The following TOGARAM1 variants were observed in gnomAD, a reference collection of about 807,000 sequenced individuals.
The protein encoded by TOGARAM1 is TOG array regulator of axonemal microtubules 1.
Under a neutral mutation model 166.6 loss-of-function variants are expected in TOGARAM1, and 100 were observed. That is an observed-to-expected ratio of 0.60 (90% CI 0.51 to 0.71). The LOEUF (loss-of-function observed/expected upper bound fraction) is 0.71. Among genes scored for constraint, TOGARAM1 ranks in the 30% least tolerant of loss-of-function variants. The pLI, the probability that TOGARAM1 is intolerant of heterozygous loss-of-function variation, is 0.00. For missense variants in TOGARAM1, 2,029 were observed against 2,102.7 expected (o/e 0.96, Z 0.69); for synonymous variants, 758 against 763.8 (o/e 0.99, Z 0.13).
In TOGARAM1 at chr14:45,027,389, A is replaced by G; in HGVS notation, c.3419A>G (p.Gln1140Arg). The G allele has an allele frequency of 6.2e-7, 1 of 1,613,828 alleles. No individual in the cohort carries two copies. The highest frequency in any genetic ancestry group is 8.5e-7 in the Non-Finnish European group (1 of 1,179,848). The change falls in exon 9 of 20, where the codon CAA becomes CGA. Residue 1140 changes from glutamine (Q) to arginine (R), a missense_variant. Around this residue, in one of 2 missense-constraint regions of TOGARAM1, gnomAD observed 1,453 missense variants for 1,432.2 expected, o/e 1.01. Transcript: ENST00000361462. ...VENGDTFSIK[Q>R]SIEPPSGIYG... The stretch of plus-strand genomic sequence containing the variant: ...AATGGGGATACATTTTCAATTAAAC[A>G]AAGTATTGAACCACCATCAGGGATT...
chr14:45,043,761 G>A lies in TOGARAM1; in HGVS notation c.3888G>A (p.Leu1296=), dbSNP rs763817732. 24 of 1,612,432 alleles carry A rather than the reference G, an allele frequency of 1.5e-5. No homozygotes were observed. The highest frequency in any genetic ancestry group is 1.9e-5 in the Non-Finnish European group (22 of 1,178,722). ...AFHSEILNTK[L]HETNFAVVQE... is the part of the protein sequence containing the mutation. ...ATTCTGAGATACTGAACACAAAGTTGCATGAAACAAATTTTGCAGTTGTTC... is the reference window on the plus strand; with the variant it reads ...ATTCTGAGATACTGAACACAAAGTTACATGAAACAAATTTTGCAGTTGTTC... The change falls in exon 12 of 20, where the codon TTG becomes TTA. Residue 1296 remains leucine (L), a synonymous_variant. Transcript: ENST00000361462.
At chr14:45,065,038 G>A (rs761867749) in intron 16 of TOGARAM1, among the ~76,000 whole-genome samples, 13 of 151,896 alleles carry the variant, frequency 8.6e-5, no homozygotes, top group South Asian at 2.1e-4. Context: ...AATAGTATTA[G>A]ACCACTTTAA....
chr14:44,965,898 G>A (rs1402884419), intron 1 of TOGARAM1, among the ~76,000 whole-genome samples: 1 of 120,528 alleles, frequency 8.3e-6, no homozygotes, highest in Non-Finnish European at 1.6e-5. Context: ...TTTTTGAGAT[G>A]GAGTCTCGCC....
chr14:44,983,212 A>G (rs1886620938), intron 1 of TOGARAM1, among the ~76,000 whole-genome samples: 1 of 152,314 alleles, frequency 6.6e-6, no homozygotes, highest in South Asian at 2.1e-4. Context: ...GTTCCTAACT[A>G]AAGATTAAAT....
chr14:45,071,670 C>A, intron 18 of TOGARAM1, 42 bp from the exon 19 acceptor site: 1 of 1,365,316 alleles, frequency 7.3e-7, no homozygotes, highest in South Asian at 1.2e-5. Flanking sequence ...ACTAAGAGCT[C>A]ATTACTCTTT....
Position 45,073,295 on chromosome 14 carries a change from G to T in TOGARAM1, c.5057-1G>T, listed in dbSNP as rs747256612. On this transcript the variant is annotated splice_acceptor_variant, in intron 19 of 19. Coordinates refer to ENST00000361462, the MANE Select transcript of TOGARAM1 (RefSeq NM_001308120.2). LOFTEE classifies it high-confidence loss of function. ...CTGTTTTTTATATTTTTATGTTTCA[G>T]ATATTGTTACGGAACTTTATCAAAG... The T allele has an allele frequency of 6.2e-7, 1 of 1,607,332 alleles. No individual in the cohort carries two copies. The highest frequency in any genetic ancestry group is 8.5e-7 in the Non-Finnish European group (1 of 1,177,076).
chr14:45,002,523 G>A (rs994380894), intron 3 of TOGARAM1, among the ~76,000 whole-genome samples: 3 of 152,094 alleles, frequency 2.0e-5, no homozygotes, highest in Admixed American at 2.0e-4. Flanking sequence ...GATCTTTGAA[G>A]GACCTATGGT....
intron 1 of TOGARAM1, among the ~76,000 whole-genome samples, chr14:44,989,029 A>T (rs1470224944): frequency 1.3e-5 from 2 of 152,234 alleles, no homozygotes; most frequent in Non-Finnish European, 2.9e-5. Flanking sequence ...GCTGCTTCCA[A>T]ATTCCTGTTC....
At chr14:45,012,173 C>A in intron 7 of TOGARAM1, 98 bp downstream of exon 7, 1 of 768,476 alleles carries the variant, frequency 1.3e-6, no homozygotes, top group Non-Finnish European at 2.1e-6. Context: ...TGTTGTTGTG[C>A]ATACTGGTTA....
chr14:45,064,948 TTTG>T (rs139550264), intron 16 of TOGARAM1, among the ~76,000 whole-genome samples: 5,999 of 152,252 alleles, frequency 0.039, 195 homozygotes, highest in East Asian at 0.11. Flanking sequence ...GCTGTATCTT[TTTG>T]TTCCTTTTTT....
At chr14:45,058,814 ATTTG>A (rs1201327919) in intron 16 of TOGARAM1, among the ~76,000 whole-genome samples, 1 of 151,872 alleles carries the variant, frequency 6.6e-6, no homozygotes, top group African/African-American at 2.4e-5. Context: ...TTTATAAATT[ATTTG>A]TTTCTTTTTC....
Position 44,984,140 on chromosome 14 carries a change from T to C in TOGARAM1, c.2047-11606T>C, listed in dbSNP as rs373785508. On this transcript the variant is annotated intron_variant, in intron 1 of 19. Coordinates refer to ENST00000361462, the MANE Select transcript of TOGARAM1 (RefSeq NM_001308120.2). ...TACCTTAACATATGATTATGAGATA[T>C]GTGTCTACAGATAAATGTTACAATG... is the stretch of plus-strand genomic sequence containing the variant. Among the ~76,000 whole-genome samples, 46 of 152,286 alleles carry C rather than the reference T, an allele frequency of 3.0e-4. 1 individual carries two copies. In the East Asian group the frequency reaches 3.7e-3, roughly 12 times the overall value.
chr14:44,970,102 T>C (rs1247892278), intron 1 of TOGARAM1, among the ~76,000 whole-genome samples: 1 of 152,210 alleles, frequency 6.6e-6, no homozygotes, highest in Non-Finnish European at 1.5e-5. Flanking sequence ...TGATTGGGAT[T>C]GCATTGAATC....
chr14:45,066,498 G>A (rs906071294), intron 16 of TOGARAM1, 80 bp from the exon 17 acceptor site: 19 of 1,313,196 alleles, frequency 1.4e-5, no homozygotes, highest in African/African-American at 3.0e-5. Flanking sequence ...AATGCATAAT[G>A]AGATTTTTAA....
chr14:44,985,400 A>G (rs1231059760), intron 1 of TOGARAM1, among the ~76,000 whole-genome samples: 2 of 152,088 alleles, frequency 1.3e-5, no homozygotes, highest in African/African-American at 4.8e-5. Flanking sequence ...GCAGTCCCCA[A>G]TCCTTTTGGA....
In TOGARAM1 at chr14:44,963,883, G is replaced by A; in HGVS notation, c.1462G>A (p.Glu488Lys). The A allele has an allele frequency of 6.2e-7, 1 of 1,614,060 alleles. No individual in the cohort carries two copies. Among genetic ancestry groups the A allele is most frequent in the South Asian group, 1.1e-5 (1 of 91,086 alleles). The change falls in exon 1 of 20, where the codon GAG (glutamate) becomes AAG (lysine). Residue 488 changes from glutamate (E) to lysine (K), a missense_variant. By Grantham distance (56) the Glu-to-Lys change is moderately conservative (BLOSUM62 1). This residue lies in a region of TOGARAM1 where 1,453 missense variants were observed against 1,432.2 expected (regional missense o/e 1.01). Transcript: ENST00000361462. ...CAAACATAAGCATTCCAGAGTGAGA[G>A]AGGAGGTGGTGAACATTTGCATCTG... ...HLKHKHSRVR[E>K]EVVNICICSL...
chr14:44,981,355 G>A (rs771709095), intron 1 of TOGARAM1, among the ~76,000 whole-genome samples: 8 of 152,184 alleles, frequency 5.3e-5, no homozygotes, highest in Non-Finnish European at 1.0e-4. Context: ...CCCATTTAGA[G>A]AATAGCAGTA....
intron 1 of TOGARAM1, among the ~76,000 whole-genome samples, chr14:44,979,597 A>G (rs1566604840): frequency 6.6e-6 from 1 of 152,246 alleles, no homozygotes; most frequent in Non-Finnish European, 1.5e-5. Context: ...ACTCTATGCC[A>G]GGCATTATTC....
intron 14 of TOGARAM1, among the ~76,000 whole-genome samples, chr14:45,049,018 G>C (rs1011665909): frequency 3.4e-5 from 4 of 118,974 alleles, no homozygotes; most frequent in Non-Finnish European, 6.5e-5. Context: ...GACAGCAAAT[G>C]GTCAATGGGT....
Sources: gnomAD v4.1 joint callset for allele counts (sites outside exome capture counted in the v4.1 genomes callset) on GRCh38, gnomAD v4.1.1 for gene constraint, gnomAD v4.1.1 regional missense constraint, MANE v1.5 for transcripts, NCBI Gene and HGNC (gene_info 2026-07-23, HGNC 2026-07-21) for gene names.